EML1: variants seen among roughly 807,000 people sequenced by gnomAD.
EML1 encodes EMAP like 1.
EML1 carries 27 observed loss-of-function variants against 110.4 expected under a neutral mutation model. The observed-to-expected ratio is 0.24, with a 90% confidence interval of 0.18 to 0.34. The LOEUF is 0.34. EML1 is among the 10% of genes least tolerant of loss of function. The pLI is 1.00. For missense variants in EML1, 741 were observed against 1,030.9 expected (o/e 0.72, Z 3.85); for synonymous variants, 344 against 385.8 (o/e 0.89, Z 1.27).
At chr14:99,901,330 G>T (rs2059760148) in intron 9 of EML1, among the ~76,000 whole-genome samples, 1 of 152,092 alleles carries the variant, frequency 6.6e-6, no homozygotes, top group Non-Finnish European at 1.5e-5. Context: ...TATGTGCTCT[G>T]GCCTTGAATT....
At chr14:99,921,072 C>G (rs900869862) in intron 17 of EML1, among the ~76,000 whole-genome samples, 195 bp downstream of exon 17, 7 of 152,132 alleles carry the variant, frequency 4.6e-5, no homozygotes, top group Non-Finnish European at 7.3e-5. Flanking sequence ...CTCCCTCCCC[C>G]TCGCCCCCCT....
At position 99,783,627 on chromosome 14, in the gene EML1, G is replaced by A. The variant is rs913819262; in HGVS notation, c.-27+9614G>A. Among the ~76,000 whole-genome samples the A allele has an allele frequency of 5.9e-5, 9 of 151,944 alleles. No individual in the cohort carries two copies. The East Asian group carries it at 1.5e-3, about 26-fold the overall frequency. Reference sequence around the variant, plus strand: ...AGCCTCCTGAGTAGCTGGGACAACAGGTGTGGGCCTCCATGCCCGGCTAAT... The same window carrying A: ...AGCCTCCTGAGTAGCTGGGACAACAAGTGTGGGCCTCCATGCCCGGCTAAT... On this transcript the variant is annotated intron_variant, in intron 1 of 22. Coordinates refer to the EML1 transcript ENST00000327921.
intron 20 of EML1, among the ~76,000 whole-genome samples, chr14:99,938,694 C>T (rs961840933): frequency 3.9e-5 from 6 of 152,250 alleles, no homozygotes; most frequent in African/African-American, 1.4e-4. Context: ...ATGGGCACAG[C>T]TGCCAGGCTG....
Position 99,878,512 on chromosome 14 carries a change from A to G in EML1, c.411A>G (p.Glu137=). 6.2e-7 allele frequency: 1 copy of G among 1,614,032 alleles called. No homozygotes were observed. Among genetic ancestry groups the G allele is most frequent in the Non-Finnish European group, 8.5e-7 (1 of 1,179,942 alleles). The change falls in exon 4 of 22, where the codon GAA becomes GAG. Residue 137 remains glutamate (E), a synonymous_variant. Transcript: ENST00000262233. ...ACATCAAGAGGACCAGCTCTTCTGA[A>G]CGAGTGTCTCCTGGGGGTCGAAGGG... ...KSNIKRTSSS[E]RVSPGGRRES... is the part of the protein sequence containing the mutation.
intron 20 of EML1, 152 bp downstream of exon 20, chr14:99,938,064 G>T (rs998928829): frequency 2.5e-5 from 18 of 733,734 alleles, no homozygotes; most frequent in Admixed American, 1.9e-4. Flanking sequence ...GCCGCACCCT[G>T]GGGTAGGGCC....
Position 99,781,849 on chromosome 14 carries a change from A to G in EML1, c.-27+7836A>G, listed in dbSNP as rs1256351064. On this transcript the variant is annotated intron_variant, in intron 1 of 22. Transcript: ENST00000327921. The surrounding 1 kb of genome is among the most constrained non-coding windows in gnomAD (Gnocchi z 4.2). Reference sequence around the variant, plus strand: ...TTCCCGCCTCCTCTCCATACCTCTCATCTCCCAGACTCCTTGAGGCTGGAG... The same window carrying G: ...TTCCCGCCTCCTCTCCATACCTCTCGTCTCCCAGACTCCTTGAGGCTGGAG... 6.6e-6 allele frequency among the ~76,000 whole-genome samples: 1 copy of G among 151,794 alleles called. No individual in the cohort carries two copies. The highest frequency in any genetic ancestry group is 2.1e-4 in the South Asian group (1 of 4,798).
chr14:99,868,971 A>G (rs1427681203), intron 3 of EML1, among the ~76,000 whole-genome samples: 1 of 151,962 alleles, frequency 6.6e-6, no homozygotes, highest in African/African-American at 2.4e-5. Flanking sequence ...TACCCCTTTC[A>G]CTGCCTCCTG....
At chr14:99,747,165 G>A (rs1433960058) in intron 1 of EML1, among the ~76,000 whole-genome samples, 2 of 130,808 alleles carry the variant, frequency 1.5e-5, no homozygotes, top group African/African-American at 5.7e-5. Flanking sequence ...TCCAGCCTTG[G>A]TGGCAGAGCT....
At position 99,827,393 on chromosome 14, in the gene EML1, G is replaced by A. The variant is rs547449584; in HGVS notation, c.68-23460G>A. ...CTCGAAGTACCCCGGCAGAGTAGCG[G>A]CACCTAGTAGCCACAAGTAAGGTGC... On this transcript the variant is annotated intron_variant, in intron 1 of 21. Coordinates refer to ENST00000262233, the MANE Select transcript of EML1 (RefSeq NM_004434.3). The surrounding 1 kb of genome is among the most constrained non-coding windows in gnomAD (Gnocchi z 4.4). 1.3e-5 allele frequency among the ~76,000 whole-genome samples: 2 copies of A among 152,236 alleles called. No individual in the cohort carries two copies. Among genetic ancestry groups the A allele is most frequent in the African/African-American group, 4.8e-5 (2 of 41,536 alleles).
intron 2 of EML1, among the ~76,000 whole-genome samples, chr14:99,863,836 G>A (rs902706545): frequency 6.6e-6 from 1 of 152,130 alleles, no homozygotes; most frequent in Non-Finnish European, 1.5e-5. Context: ...AGATCAATTG[G>A]GTAAATACCT....
At chr14:99,904,003 G>A (rs559182958) in intron 9 of EML1, among the ~76,000 whole-genome samples, 101 of 152,056 alleles carry the variant, frequency 6.6e-4, no homozygotes, top group African/African-American at 2.2e-3. Context: ...TGCTGATCTC[G>A]AACTCCTGAC....
intron 3 of EML1, among the ~76,000 whole-genome samples, chr14:99,871,619 T>C (rs1460296221): frequency 6.6e-6 from 1 of 152,038 alleles, no homozygotes; most frequent in Non-Finnish European, 1.5e-5. Context: ...CATGGATGAC[T>C]CTGAGGCAAT....
chr14:99,890,993 C>T (rs1433491896), intron 4 of EML1, among the ~76,000 whole-genome samples: 1 of 152,158 alleles, frequency 6.6e-6, no homozygotes, highest in Non-Finnish European at 1.5e-5. Context: ...GTGAGGATTG[C>T]AATCTCTTGC....
rs1566861550 is a variant in EML1, at chr14:99,781,282, C to G, written c.-27+7269C>G. ...TCCCGGTGCCTTTCTCCTCCCCCAC[C>G]ACCTGTTTCCTGGCCAGCTCTAGCC... On this transcript the variant is annotated intron_variant, in intron 1 of 22. Transcript: ENST00000327921. The surrounding 1 kb of genome is among the most constrained non-coding windows in gnomAD (Gnocchi z 4.2). Among the ~76,000 whole-genome samples the G allele has an allele frequency of 6.6e-6, 1 of 152,158 alleles. No homozygotes were observed. Among genetic ancestry groups the G allele is most frequent in the Non-Finnish European group, 1.5e-5 (1 of 68,028 alleles).
At chr14:99,935,884 C>T (rs2060461669) in intron 17 of EML1, 145 bp from the exon 18 acceptor site, 8 of 679,540 alleles carry the variant, frequency 1.2e-5, no homozygotes, top group Admixed American at 5.3e-5. Context: ...GCAAAGGATT[C>T]ATTGAAAAGC....
chr14:99,747,827 GGGTCAGCAATGCAC>G (rs1269954590), intron 1 of EML1, among the ~76,000 whole-genome samples: 2 of 152,208 alleles, frequency 1.3e-5, no homozygotes, highest in African/African-American at 4.8e-5. Context: ...TCCCGCTGCA[GGGTCAGCAATGCAC>G]GGGAAGGGGC....
At chr14:99,890,264 T>G (rs941319955) in intron 4 of EML1, among the ~76,000 whole-genome samples, 2 of 152,190 alleles carry the variant, frequency 1.3e-5, no homozygotes, top group Non-Finnish European at 2.9e-5. Flanking sequence ...TTTTGTATCT[T>G]AAAGCAGGCA....
At chr14:99,808,514 C>T (rs777002626) in intron 1 of EML1, among the ~76,000 whole-genome samples, 45 of 152,154 alleles carry the variant, frequency 3.0e-4, no homozygotes, top group Admixed American at 4.6e-4. Context: ...GAACTTCCAG[C>T]ATTCATGGAT....
rs1041243955 is a variant in EML1 at position 99,941,262 on chromosome 14, A to G, written c.*1150A>G. On this transcript the variant is annotated 3_prime_UTR_variant, in exon 22 of 22. Transcript: ENST00000262233. ...TGTTTACATTGGGGAATGTATCTCAAATTTTTAAATAGAAGAGTAATAAAC... is the reference window on the plus strand; with the variant it reads ...TGTTTACATTGGGGAATGTATCTCAGATTTTTAAATAGAAGAGTAATAAAC... 2.0e-5 allele frequency: 3 copies of G among 152,228 alleles called. No individual in the cohort carries two copies. Among genetic ancestry groups the G allele is most frequent in the Admixed American group, 6.5e-5 (1 of 15,278 alleles). 9.4% of individuals were successfully genotyped at this position (152,228 alleles called of 1,614,324 possible). A position where few individuals can be genotyped will look rare whatever the true frequency, so the allele number is the denominator to read the frequency against.
Sources: gnomAD v4.1 joint callset for allele counts (sites outside exome capture counted in the v4.1 genomes callset) on GRCh38, gnomAD v4.1.1 for gene constraint, Gnocchi (gnomAD v3.1) non-coding constraint, MANE v1.5 for transcripts, NCBI Gene and HGNC (gene_info 2026-07-23, HGNC 2026-07-21) for gene names.